The following ADGRB3 variants were observed in gnomAD, a reference collection of about 807,000 sequenced individuals.
The protein encoded by ADGRB3 is adhesion G protein-coupled receptor B3.
In ADGRB3, 37 loss-of-function variants were observed where a neutral mutation model predicts 193.4. The ratio of observed to expected loss-of-function variants is 0.19; its 90% confidence interval spans 0.15 to 0.25. ADGRB3 has a LOEUF of 0.25. Among genes scored for constraint, ADGRB3 ranks in the 10% least tolerant of loss-of-function variants. The pLI is 1.00. For synonymous variants in ADGRB3, 690 were observed against 644.2 expected (o/e 1.07, Z -1.08); for missense variants, 1,637 against 1,852.9 (o/e 0.88, Z 2.14).
intron 17 of ADGRB3, among the ~76,000 whole-genome samples, chr6:69,207,032 A>G (rs890580644): frequency 1.6e-4 from 25 of 152,188 alleles, no homozygotes; most frequent in African/African-American, 6.0e-4. Context: ...ACTGTGGAGT[A>G]GTAGACTGAT....
chr6:69,153,861 CATGT>C (rs1774750045), intron 17 of ADGRB3, among the ~76,000 whole-genome samples: 4 of 152,090 alleles, frequency 2.6e-5, no homozygotes, highest in African/African-American at 9.6e-5. Flanking sequence ...GGCATGGTGG[CATGT>C]GCCTGTAGTC....
intron 15 of ADGRB3, among the ~76,000 whole-genome samples, chr6:69,051,210 T>G (rs889400523): frequency 6.6e-6 from 1 of 152,164 alleles, no homozygotes; most frequent in East Asian, 1.9e-4. Flanking sequence ...ATGGATATAG[T>G]AGAGACTAGT....
intron 17 of ADGRB3, among the ~76,000 whole-genome samples, chr6:69,176,876 G>C (rs1775440385): frequency 1.3e-5 from 2 of 152,068 alleles, no homozygotes; most frequent in South Asian, 4.2e-4. Flanking sequence ...ATGCTTCTAG[G>C]AATTTATCTA....
chr6:68,812,644 A>G (rs1767534667), intron 3 of ADGRB3, among the ~76,000 whole-genome samples: 1 of 152,114 alleles, frequency 6.6e-6, no homozygotes, highest in Non-Finnish European at 1.5e-5. Flanking sequence ...TGCTTCTACT[A>G]ATGTACAAAG....
chr6:68,945,728 A>C (rs1488033128), intron 6 of ADGRB3, among the ~76,000 whole-genome samples: 1 of 152,124 alleles, frequency 6.6e-6, no homozygotes, highest in African/African-American at 2.4e-5. Flanking sequence ...TTGTGAACCA[A>C]GTTTCTCATA....
intron 17 of ADGRB3, among the ~76,000 whole-genome samples, chr6:69,199,769 T>C (rs1765380697): frequency 6.6e-6 from 1 of 152,128 alleles, no homozygotes; most frequent in Non-Finnish European, 1.5e-5. Flanking sequence ...ACCTGCTTTA[T>C]GGATGAGCAT....
chr6:69,115,652 T>C (rs1338220087), intron 17 of ADGRB3, among the ~76,000 whole-genome samples: 1 of 152,154 alleles, frequency 6.6e-6, no homozygotes, highest in East Asian at 1.9e-4. Context: ...TAAATGTTTG[T>C]TAAATTAAAA....
At chr6:68,681,662 G>C (rs188635413) in intron 3 of ADGRB3, among the ~76,000 whole-genome samples, 1 of 152,140 alleles carries the variant, frequency 6.6e-6, no homozygotes, top group East Asian at 1.9e-4. Context: ...TCCAGGATTA[G>C]ATAACTAGAC....
intron 13 of ADGRB3, among the ~76,000 whole-genome samples, chr6:69,034,335 T>G (rs897063955): frequency 4.0e-5 from 6 of 151,754 alleles, no homozygotes; most frequent in Non-Finnish European, 8.9e-5. Flanking sequence ...ATCTATAGTA[T>G]TTAAAATGTA....
chr6:69,249,327 T>C (rs1245355074), intron 20 of ADGRB3, among the ~76,000 whole-genome samples: 4 of 152,284 alleles, frequency 2.6e-5, no homozygotes, highest in East Asian at 3.9e-4. Flanking sequence ...CCTTCACTTA[T>C]GATGCCGATT....
chr6:68,808,257 A>G (rs1263642149), intron 3 of ADGRB3, among the ~76,000 whole-genome samples: 1 of 152,128 alleles, frequency 6.6e-6, no homozygotes, highest in Non-Finnish European at 1.5e-5. Context: ...AAGAGAAGTA[A>G]TATCATCATC....
At position 69,014,057 on chromosome 6, in the gene ADGRB3, G is replaced by A. The variant is rs754582738; in HGVS notation, c.1949G>A (p.Ser650Asn). 6 of 1,596,466 alleles carry A rather than the reference G, an allele frequency of 3.8e-6. No individual in the cohort carries two copies. Among genetic ancestry groups the A allele is most frequent in the South Asian group, 2.2e-5 (2 of 89,264 alleles). ...TTACAGAACTTCTTTCAAATAGTTA[G>A]CAACCTTCTAGATGAAGAAAACAAG... ...DGVQNFFQIV[S>N]NLLDEENKEK... The change falls in exon 12 of 32, where the codon AGC becomes AAC. Residue 650 changes from serine (S) to asparagine (N), a missense_variant. Around this residue, in one of 7 missense-constraint regions of ADGRB3, gnomAD observed 641 missense variants for 673.9 expected, o/e 0.95. Transcript: ENST00000370598.
At chr6:68,976,435 A>T (rs1261288282) in intron 10 of ADGRB3, among the ~76,000 whole-genome samples, 1 of 152,060 alleles carries the variant, frequency 6.6e-6, no homozygotes. Flanking sequence ...TATACAGTTG[A>T]CCCTTGAATA....
At chr6:68,912,401 G>A (rs1766740882) in intron 3 of ADGRB3, among the ~76,000 whole-genome samples, 1 of 150,368 alleles carries the variant, frequency 6.7e-6, no homozygotes. Context: ...AAGTTTTAGG[G>A]TACATGTGCA....
At chr6:69,001,146 A>C (rs1381064444) in intron 11 of ADGRB3, among the ~76,000 whole-genome samples, 3 of 152,228 alleles carry the variant, frequency 2.0e-5, no homozygotes, top group Non-Finnish European at 4.4e-5. Flanking sequence ...GCAGTAAGTA[A>C]AGATGTCATG....
intron 3 of ADGRB3, among the ~76,000 whole-genome samples, chr6:68,862,924 C>T (rs1765196877): frequency 6.6e-6 from 1 of 152,124 alleles, no homozygotes; most frequent in Non-Finnish European, 1.5e-5. Context: ...CAATTGTCGT[C>T]AATAGAATTG....
chr6:69,115,420 G>T (rs1361365979), intron 17 of ADGRB3, among the ~76,000 whole-genome samples: 1 of 151,548 alleles, frequency 6.6e-6, no homozygotes, highest in East Asian at 1.9e-4. Context: ...ACAAGGAGGG[G>T]AACAGCACAC....
At chr6:69,174,742 C>G (rs1322699377) in intron 17 of ADGRB3, among the ~76,000 whole-genome samples, 1 of 152,300 alleles carries the variant, frequency 6.6e-6, no homozygotes, top group East Asian at 1.9e-4. Context: ...CAAGCATTCT[C>G]TTTTCTCCAT....
intron 20 of ADGRB3, among the ~76,000 whole-genome samples, chr6:69,300,557 A>C (rs188621243): frequency 1.5e-4 from 23 of 151,934 alleles, no homozygotes; most frequent in South Asian, 6.2e-4. Flanking sequence ...ATATCATCTT[A>C]TATTTAGAAA....
Sources: allele counts gnomAD v4.1 joint callset (sites outside exome capture counted in the v4.1 genomes callset), GRCh38; gene constraint gnomAD v4.1.1; regional missense constraint gnomAD v4.1.1; transcripts MANE v1.5; gene names NCBI Gene and HGNC (gene_info 2026-07-23, HGNC 2026-07-21).